MNAT1: variants seen among roughly 807,000 people sequenced by gnomAD.
MNAT1 encodes MNAT1 component of CDK activating kinase.
MNAT1 carries 43 observed loss-of-function variants against 42.0 expected under a neutral mutation model. The ratio of observed to expected loss-of-function variants is 1.02; its 90% confidence interval spans 0.80 to 1.32. The LOEUF (loss-of-function observed/expected upper bound fraction) is 1.32, where lower values mean the gene tolerates loss of function less well. MNAT1 is among the 40% of genes most tolerant of loss of function. The pLI, the probability that MNAT1 is intolerant of heterozygous loss-of-function variation, is 0.00. For synonymous variants in MNAT1, 118 were observed against 120.0 expected (o/e 0.98, Z 0.11); for missense variants, 306 against 350.4 (o/e 0.87, Z 1.01).
At chr14:60,771,649 C>G (rs2031061850) in intron 1 of MNAT1, among the ~76,000 whole-genome samples, 1 of 152,160 alleles carries the variant, frequency 6.6e-6, no homozygotes, top group African/African-American at 2.4e-5. Context: ...TATTACAATC[C>G]TTGCCTACCT....
At chr14:60,864,071 A>G (rs1231517233) in intron 6 of MNAT1, among the ~76,000 whole-genome samples, 3 of 152,028 alleles carry the variant, frequency 2.0e-5, no homozygotes, top group African/African-American at 7.2e-5. Flanking sequence ...CTAAGTGAGT[A>G]TCTAATGAGG....
At chr14:60,795,837 A>C in intron 1 of MNAT1, among the ~76,000 whole-genome samples, 1 of 152,206 alleles carries the variant, frequency 6.6e-6, no homozygotes. Context: ...TCTAAAGAGC[A>C]GGCCCCTGGC....
intron 6 of MNAT1, among the ~76,000 whole-genome samples, chr14:60,823,000 G>T (rs1036108798): frequency 2.6e-5 from 4 of 152,126 alleles, no homozygotes; most frequent in Admixed American, 2.6e-4. Flanking sequence ...CAAGCCACCT[G>T]CCTGCCTTGG....
In MNAT1 at chr14:60,864,311, A is replaced by T. The variant is rs1459352136; in HGVS notation, c.688-15403A>T. ...AATGAAAATTTAAATAGATACTGTTAAATGCTTGAAAATAGGGACAGTTGT... is the reference window on the plus strand; with the variant it reads ...AATGAAAATTTAAATAGATACTGTTTAATGCTTGAAAATAGGGACAGTTGT... On this transcript the variant is annotated intron_variant, in intron 6 of 7. Coordinates refer to ENST00000261245, the MANE Select transcript of MNAT1 (RefSeq NM_002431.4). Among the ~76,000 whole-genome samples the T allele has an allele frequency of 2.0e-5, 3 of 151,918 alleles. No individual in the cohort carries two copies. The East Asian group carries it at 5.8e-4, about 29-fold the overall frequency.
chr14:60,800,984 A>G (rs902748369), intron 3 of MNAT1, among the ~76,000 whole-genome samples: 6 of 152,316 alleles, frequency 3.9e-5, no homozygotes, highest in Admixed American at 1.3e-4. Flanking sequence ...GTTAACTAAT[A>G]ACTATAATGT....
intron 6 of MNAT1, among the ~76,000 whole-genome samples, chr14:60,865,532 GT>G (rs1311675417): frequency 6.6e-6 from 1 of 152,026 alleles, no homozygotes; most frequent in Non-Finnish European, 1.5e-5. Flanking sequence ...TCTCCTTGAT[GT>G]TTTTCTTTTC....
chr14:60,747,223 A>G (rs2029878037), intron 1 of MNAT1, among the ~76,000 whole-genome samples: 1 of 151,772 alleles, frequency 6.6e-6, no homozygotes, highest in Non-Finnish European at 1.5e-5. Context: ...TGACCTTGTG[A>G]TCTGCCCGCC....
At chr14:60,859,335 T>C (rs749610352) in intron 6 of MNAT1, among the ~76,000 whole-genome samples, 2 of 152,216 alleles carry the variant, frequency 1.3e-5, no homozygotes, top group Non-Finnish European at 2.9e-5. Flanking sequence ...TGATCTTTAA[T>C]ATTATGTCTA....
intron 7 of MNAT1, among the ~76,000 whole-genome samples, chr14:60,963,129 G>A (rs933081695): frequency 2.6e-5 from 4 of 151,894 alleles, no homozygotes; most frequent in African/African-American, 4.8e-5. Context: ...TTACAGGTGC[G>A]TGCCACCACG....
intron 7 of MNAT1, among the ~76,000 whole-genome samples, chr14:60,957,966 T>C (rs1265085891): frequency 6.6e-6 from 1 of 152,040 alleles, no homozygotes; most frequent in African/African-American, 2.4e-5. Flanking sequence ...ACCTCCCGAG[T>C]AGCTGGGATT....
chr14:60,842,159 T>C (rs182529699), intron 6 of MNAT1, among the ~76,000 whole-genome samples: 102 of 152,372 alleles, frequency 6.7e-4, no homozygotes, highest in East Asian at 5.6e-3. Flanking sequence ...CATTTACATA[T>C]ATTTTTCTGC....
chr14:60,959,266 CT>C (rs1282715813), intron 7 of MNAT1, among the ~76,000 whole-genome samples: 1 of 152,194 alleles, frequency 6.6e-6, no homozygotes, highest in Non-Finnish European at 1.5e-5. Flanking sequence ...GGTGAAATCT[CT>C]TGTGGTAGCC....
chr14:60,920,287 A>G (rs956830231), intron 7 of MNAT1: 2 of 152,150 alleles, frequency 1.3e-5, no homozygotes, highest in Non-Finnish European at 2.9e-5. Context: ...TTACATGATT[A>G]TTTTTATCAT....
chr14:60,754,380 C>T (rs1192154083), intron 1 of MNAT1, among the ~76,000 whole-genome samples: 6 of 140,008 alleles, frequency 4.3e-5, no homozygotes, highest in Non-Finnish European at 7.6e-5. Flanking sequence ...CTCGCTCTGT[C>T]GCCCAAGCTG....
intron 6 of MNAT1, among the ~76,000 whole-genome samples, chr14:60,861,821 T>C (rs973906378): frequency 6.6e-5 from 10 of 152,320 alleles, no homozygotes; most frequent in Admixed American, 5.2e-4. Flanking sequence ...CTTGAAGAAT[T>C]AACTTAAATG....
In MNAT1 at chr14:60,734,798, A is replaced by AG; in HGVS notation, c.-60dup. On this transcript the variant is annotated 5_prime_UTR_variant, in exon 1 of 8. Transcript: ENST00000261245. This position sits in a 1 kb window ranked among gnomAD's most constrained non-coding sequence, Gnocchi z 4.3. ...GTAGGAACCTGCTTGGTCGCGTCTG[A>AG]GGGGGCTTGTAGGTGGCTCTGGCTG... The AG allele has an allele frequency of 6.7e-7, 1 of 1,498,808 alleles. No individual in the cohort carries two copies. The highest frequency in any genetic ancestry group is 9.3e-7 in the Non-Finnish European group (1 of 1,077,118). The allele number at this position is 1,498,808 out of a possible 1,614,324, so 92.8% of individuals were successfully genotyped here.
Position 60,734,837 on chromosome 14 carries a change from C to T in MNAT1, c.-26C>T. The T allele has an allele frequency of 6.2e-7, 1 of 1,611,340 alleles. No homozygotes were observed. The highest frequency in any genetic ancestry group is 8.5e-7 in the Non-Finnish European group (1 of 1,177,702). On this transcript the variant is annotated 5_prime_UTR_variant, in exon 1 of 8. Transcript: ENST00000261245. The surrounding 1 kb of genome is among the most constrained non-coding windows in gnomAD (Gnocchi z 4.3). ...TGGCTCTGGCTGAAACAGGCGCCTG[C>T]GAGAGTCTGTAGGAGGGAAACCGCC...
intron 6 of MNAT1, among the ~76,000 whole-genome samples, chr14:60,878,924 A>T (rs1226831686): frequency 2.0e-5 from 3 of 152,160 alleles, no homozygotes; most frequent in African/African-American, 7.2e-5. Context: ...AAGTTTGCCC[A>T]ACTTTAATTT....
intron 6 of MNAT1, among the ~76,000 whole-genome samples, chr14:60,858,422 T>G (rs553692425): frequency 3.0e-4 from 45 of 151,830 alleles, no homozygotes; most frequent in African/African-American, 1.1e-3. Context: ...TGATGGGGTT[T>G]TTTTTTTTTT....
Sources: allele counts gnomAD v4.1 joint callset (sites outside exome capture counted in the v4.1 genomes callset), GRCh38; gene constraint gnomAD v4.1.1; non-coding constraint Gnocchi (gnomAD v3.1); transcripts MANE v1.5; gene names NCBI Gene and HGNC (gene_info 2026-07-23, HGNC 2026-07-21).